Variants in GLI2 observed in about 807,000 individuals in gnomAD.
The protein encoded by GLI2 is transcription activator GLI2.
Under a neutral mutation model 78.9 loss-of-function variants are expected in GLI2, and 22 were observed. The observed-to-expected ratio is 0.28, with a 90% CI of 0.20 to 0.40. The LOEUF is 0.40. GLI2 is among the 10% of genes least tolerant of loss of function. GLI2 has a pLI of 1.00. For synonymous variants in GLI2, 974 were observed against 963.7 expected (o/e 1.01, Z -0.20); for missense variants, 2,097 against 2,213.2 (o/e 0.95, Z 1.05).
intron 2 of GLI2, among the ~76,000 whole-genome samples, chr2:120,856,637 C>T (rs933502503): frequency 2.6e-5 from 4 of 152,054 alleles, no homozygotes; most frequent in Admixed American, 6.5e-5. Flanking sequence ...CTCATGGCAC[C>T]GGAACCTCCA....
chr2:120,839,570 T>G (rs1345703480), intron 2 of GLI2, among the ~76,000 whole-genome samples: 1 of 152,224 alleles, frequency 6.6e-6, no homozygotes, highest in African/African-American at 2.4e-5. Flanking sequence ...TATTTTTTAT[T>G]TATTTTTTTG....
intron 5 of GLI2, among the ~76,000 whole-genome samples, chr2:120,966,176 A>G (rs1176380153): frequency 3.9e-5 from 6 of 152,106 alleles, no homozygotes; most frequent in Admixed American, 2.0e-4. Flanking sequence ...GGGTCACATG[A>G]CCATCTCAAC....
rs532891541 is a variant in GLI2 at position 120,886,159 on chromosome 2, AGT to A, written c.149-41152_149-41151del. On this transcript the variant is annotated intron_variant, in intron 2 of 13. Transcript: ENST00000361492. ...GGAACCCCTATTCTAATTTTTCCAA[AGT>A]GTGTGTGTGTGTGTGTGTGTGTGTG... Among the ~76,000 whole-genome samples the A allele has an allele frequency of 3.9e-3, 451 of 116,782 alleles. 2 individuals are homozygous for A. Among genetic ancestry groups the A allele is most frequent in the Non-Finnish European group, 6.0e-3 (352 of 58,334 alleles). 76.6% of individuals were successfully genotyped at this position (116,782 alleles called of 152,430 possible).
chr2:120,829,046 A>G (rs752007976), intron 2 of GLI2, among the ~76,000 whole-genome samples: 1 of 151,986 alleles, frequency 6.6e-6, no homozygotes, highest in East Asian at 1.9e-4. Context: ...CACACACCAC[A>G]TGCTCACAGT....
intron 2 of GLI2, among the ~76,000 whole-genome samples, chr2:120,858,342 G>A (rs1468097788): frequency 6.6e-6 from 1 of 152,194 alleles, no homozygotes; most frequent in Non-Finnish European, 1.5e-5. Context: ...TGTGGCTAGT[G>A]GGTGATGGTC....
chr2:120,924,540 A>AAC (rs1553467099), intron 2 of GLI2, among the ~76,000 whole-genome samples: 2 of 36,132 alleles, frequency 5.5e-5, no homozygotes, highest in African/African-American at 2.0e-4. Context: ...AACATTTAGA[A>AAC]ATACACACAC....
chr2:120,745,386 G>T (rs772094772), intron 1 of GLI2, among the ~76,000 whole-genome samples: 24 of 152,202 alleles, frequency 1.6e-4, no homozygotes, highest in Non-Finnish European at 3.1e-4. Context: ...GGCCTACCTT[G>T]TGGACACCTT....
chr2:120,883,945 T>C (rs1421438586), intron 2 of GLI2, among the ~76,000 whole-genome samples: 1 of 152,222 alleles, frequency 6.6e-6, no homozygotes, highest in Non-Finnish European at 1.5e-5. Flanking sequence ...CAGATGAGTG[T>C]GTGGAGGCCT....
chr2:120,768,692 TGC>T (rs1683438053), intron 1 of GLI2, among the ~76,000 whole-genome samples: 1 of 152,172 alleles, frequency 6.6e-6, no homozygotes, highest in South Asian at 2.1e-4. Flanking sequence ...CCTCTTCCCC[TGC>T]CTTGCCTGGC....
chr2:120,746,863 C>T (rs1682710056), intron 1 of GLI2, among the ~76,000 whole-genome samples: 1 of 152,170 alleles, frequency 6.6e-6, no homozygotes, highest in Non-Finnish European at 1.5e-5. Flanking sequence ...TACATTAATA[C>T]AGTCTTGTAA....
intron 1 of GLI2, among the ~76,000 whole-genome samples, chr2:120,743,126 C>T (rs542655432): frequency 1.1e-4 from 16 of 152,294 alleles, no homozygotes; most frequent in Non-Finnish European, 2.2e-4. Flanking sequence ...GACACAAATG[C>T]ATTTACATAA....
At chr2:120,923,761 TCACA>T (rs768485628) in intron 2 of GLI2, among the ~76,000 whole-genome samples, 1 of 151,068 alleles carries the variant, frequency 6.6e-6, no homozygotes, top group Non-Finnish European at 1.5e-5. Flanking sequence ...CTGCACATAC[TCACA>T]CATGCACGTG....
chr2:120,745,720 A>C (rs1472741562), intron 1 of GLI2, among the ~76,000 whole-genome samples: 1 of 152,216 alleles, frequency 6.6e-6, no homozygotes, highest in Non-Finnish European at 1.5e-5. Context: ...CAGGACTTCA[A>C]GAGTGCATGG....
intron 5 of GLI2, among the ~76,000 whole-genome samples, chr2:120,968,119 A>G (rs1681949508): frequency 1.3e-5 from 2 of 152,216 alleles, no homozygotes; most frequent in African/African-American, 4.8e-5. Context: ...ACACAATAGC[A>G]TGGAGAAATC....
chr2:120,775,516 C>G (rs1443015228), intron 1 of GLI2, among the ~76,000 whole-genome samples: 1 of 152,156 alleles, frequency 6.6e-6, no homozygotes. Context: ...TTGAAAGAGC[C>G]CCCCAGTGCC....
chr2:120,899,406 T>TACACACAC (rs71398006), intron 2 of GLI2, among the ~76,000 whole-genome samples: 1 of 146,468 alleles, frequency 6.8e-6, no homozygotes, highest in African/African-American at 2.6e-5. Context: ...TACACACACA[T>TACACACAC]ACACACACAC....
chr2:120,854,796 C>T (rs1687567738), intron 2 of GLI2, among the ~76,000 whole-genome samples: 1 of 152,232 alleles, frequency 6.6e-6, no homozygotes, highest in South Asian at 2.1e-4. Flanking sequence ...AGATTCTGGG[C>T]TCCATCCTGA....
intron 1 of GLI2, among the ~76,000 whole-genome samples, chr2:120,739,518 T>TG (rs1208446011): frequency 2.0e-5 from 3 of 152,216 alleles, no homozygotes; most frequent in African/African-American, 7.2e-5. Flanking sequence ...GCATGGCTCT[T>TG]GCGGCAGGGA....
chr2:120,851,701 C>T (rs1470223781), intron 2 of GLI2, among the ~76,000 whole-genome samples: 1 of 152,236 alleles, frequency 6.6e-6, no homozygotes, highest in Non-Finnish European at 1.5e-5. Context: ...GGGCATCAGG[C>T]AGTGGGCTTG....
Sources: gnomAD v4.1 joint callset for allele counts (sites outside exome capture counted in the v4.1 genomes callset) on GRCh38, gnomAD v4.1.1 for gene constraint, MANE v1.5 for transcripts, NCBI Gene and HGNC (gene_info 2026-07-23, HGNC 2026-07-21) for gene names.